COL11A1: variants seen among roughly 807,000 people sequenced by gnomAD.
COL11A1 encodes collagen alpha-1(XI) chain.
A neutral mutation model predicts 265.2 loss-of-function variants in COL11A1; 74 were observed. That is an observed-to-expected ratio of 0.28 (90% confidence interval 0.23 to 0.34). COL11A1 has a LOEUF of 0.34. Among genes scored for constraint, COL11A1 ranks in the 10% least tolerant of loss-of-function variants. COL11A1 has a pLI of 1.00. For missense variants in COL11A1, 2,165 were observed against 2,263.6 expected (o/e 0.96, Z 0.88); for synonymous variants, 816 against 727.6 (o/e 1.12, Z -1.96).
intron 4 of COL11A1, among the ~76,000 whole-genome samples, chr1:103,061,919 T>C (rs556566746): frequency 5.4e-4 from 82 of 152,086 alleles, no homozygotes; most frequent in Non-Finnish European, 9.0e-4. Flanking sequence ...TCTTTCAGAA[T>C]GTTAATAAAA....
intron 4 of COL11A1, among the ~76,000 whole-genome samples, chr1:103,052,212 C>A (rs1249470508): frequency 6.6e-6 from 1 of 151,758 alleles, no homozygotes; most frequent in East Asian, 1.9e-4. Context: ...TTTTTTAAGT[C>A]AGATTCTTCC....
rs767950147 is a variant in COL11A1 at position 102,898,737 on chromosome 1, C to T, written c.4177G>A (p.Gly1393Ser). Residue 1393 changes from glycine to serine, a missense_variant, in exon 56 of 67, where the codon GGC becomes AGC. Transcript: ENST00000370096. ...AGAEGPPGKT[G>S]PVGPQGPAGK... is the part of the protein sequence containing the mutation. ...GCAGGTCCCTGAGGACCGACTGGGC[C>T]GGTTTTTCCAGGAGGACCTTCTGCA... 2.4e-5 allele frequency: 39 copies of T among 1,612,970 alleles called. No individual in the cohort carries two copies. Among genetic ancestry groups the T allele is most frequent in the Non-Finnish European group, 3.1e-5 (36 of 1,179,414 alleles).
intron 46 of COL11A1, among the ~76,000 whole-genome samples, chr1:102,923,977 G>A (rs529569183): frequency 6.6e-6 from 1 of 151,738 alleles, no homozygotes; most frequent in African/African-American, 2.4e-5. Flanking sequence ...GGGAGGCTGA[G>A]GCGGGCGGAT....
intron 1 of COL11A1, among the ~76,000 whole-genome samples, chr1:103,097,841 T>C (rs1470075981): frequency 1.3e-5 from 2 of 152,002 alleles, no homozygotes; most frequent in Admixed American, 1.3e-4. Flanking sequence ...ATTGTCTGTG[T>C]AGCCACAGCA....
intron 46 of COL11A1, among the ~76,000 whole-genome samples, chr1:102,929,530 C>A (rs535457429): frequency 6.6e-6 from 1 of 152,022 alleles, no homozygotes; most frequent in Non-Finnish European, 1.5e-5. Context: ...TAGTGTAATG[C>A]CTCCAGCTTT....
At chr1:103,090,388 C>T (rs1056114688) in intron 1 of COL11A1, among the ~76,000 whole-genome samples, 8 of 152,018 alleles carry the variant, frequency 5.3e-5, no homozygotes, top group African/African-American at 1.9e-4. Flanking sequence ...GTAGGACTGA[C>T]AAAAGAGAAA....
intron 35 of COL11A1, 104 bp downstream of exon 35, chr1:102,978,604 T>G (rs144614278): frequency 8.3e-7 from 1 of 1,202,864 alleles, no homozygotes; most frequent in Non-Finnish European, 1.2e-6. Flanking sequence ...ATTTTGTGGA[T>G]AGACATGCAC....
intron 66 of COL11A1, 23 bp from the exon 67 acceptor site, chr1:102,878,188 A>G: frequency 1.3e-6 from 2 of 1,590,002 alleles, no homozygotes; most frequent in Non-Finnish European, 1.7e-6. Flanking sequence ...GCAGAAATAA[A>G]AAGTTATACA....
chr1:102,898,486 A>G (rs1276829424), intron 56 of COL11A1, among the ~76,000 whole-genome samples, 180 bp downstream of exon 56: 1 of 152,072 alleles, frequency 6.6e-6, no homozygotes, highest in East Asian at 1.9e-4. Context: ...GAACTTATTA[A>G]ATAAATGATA....
At chr1:102,927,652 A>C (rs974400197) in intron 46 of COL11A1, among the ~76,000 whole-genome samples, 1 of 151,286 alleles carries the variant, frequency 6.6e-6, no homozygotes, top group Non-Finnish European at 1.5e-5. Flanking sequence ...CAAAAAAACA[A>C]AAAAAAAACC....
chr1:103,099,075 T>C (rs950903066), intron 1 of COL11A1, among the ~76,000 whole-genome samples: 1 of 151,798 alleles, frequency 6.6e-6, no homozygotes, highest in African/African-American at 2.4e-5. Context: ...CAGCAAAGTT[T>C]TACCAAATGC....
At chr1:102,982,121 T>C (rs1246759462) in intron 31 of COL11A1, among the ~76,000 whole-genome samples, 1 of 151,848 alleles carries the variant, frequency 6.6e-6, no homozygotes, top group Admixed American at 6.6e-5. Context: ...ATAGAAATAA[T>C]AAATGAGTTA....
rs1670742041 is a variant in COL11A1 at position 103,062,372 on chromosome 1, A to G, written c.651+12246T>C. On this transcript the variant is annotated intron_variant, in intron 4 of 66. Coordinates refer to ENST00000370096, the MANE Select transcript of COL11A1 (RefSeq NM_001854.4). ...ATATCAAAACCAGGTGAAAACATTA[A>G]AAGAAAATAATACTACAGACCAATA... Among the ~76,000 whole-genome samples, 3 of 151,950 alleles carry G rather than the reference A, an allele frequency of 2.0e-5. 1 individual carries two copies. In the South Asian group the frequency reaches 6.2e-4, roughly 31 times the overall value.
intron 4 of COL11A1, among the ~76,000 whole-genome samples, chr1:103,074,257 G>T (rs753213879): frequency 3.3e-5 from 5 of 151,858 alleles, no homozygotes; most frequent in South Asian, 4.1e-4. Context: ...TATGACTTGC[G>T]CATCTCTCTA....
At chr1:103,006,783 C>T (rs1665668193) in intron 15 of COL11A1, among the ~76,000 whole-genome samples, 1 of 152,090 alleles carries the variant, frequency 6.6e-6, no homozygotes, top group Non-Finnish European at 1.5e-5. Flanking sequence ...CCATCTCGGC[C>T]TCCCAAAATG....
chr1:103,009,859 T>C (rs1278026745), intron 14 of COL11A1, among the ~76,000 whole-genome samples: 1 of 152,104 alleles, frequency 6.6e-6, no homozygotes, highest in African/African-American at 2.4e-5. Context: ...AAGCTTCCAA[T>C]GAAGAATTAT....
intron 18 of COL11A1, 134 bp downstream of exon 18, chr1:103,005,704 G>T: frequency 2.1e-6 from 2 of 940,866 alleles, no homozygotes; most frequent in Non-Finnish European, 3.3e-6. Flanking sequence ...TTTCCTTCTA[G>T]TATCTATTAG....
intron 36 of COL11A1, among the ~76,000 whole-genome samples, chr1:102,970,797 A>G (rs1661895228): frequency 1.3e-5 from 2 of 151,996 alleles, no homozygotes; most frequent in Non-Finnish European, 2.9e-5. Context: ...GGGAGGATCA[A>G]GAGGTCAGAG....
intron 4 of COL11A1, among the ~76,000 whole-genome samples, chr1:103,031,448 A>G (rs1193518477): frequency 6.6e-6 from 1 of 152,128 alleles, no homozygotes; most frequent in Non-Finnish European, 1.5e-5. Flanking sequence ...TTAGGCTGTT[A>G]TTCTATGTTA....
Sources: gnomAD v4.1 joint callset for allele counts (sites outside exome capture counted in the v4.1 genomes callset) on GRCh38, gnomAD v4.1.1 for gene constraint, MANE v1.5 for transcripts, NCBI Gene and HGNC (gene_info 2026-07-23, HGNC 2026-07-21) for gene names.